The following PKIB variants were observed in gnomAD, a reference collection of about 807,000 sequenced individuals.
PKIB encodes the protein cAMP-dependent protein kinase inhibitor beta, also known as PKI-beta.
A neutral mutation model predicts 4.5 loss-of-function variants in PKIB; 2 were observed. That is an observed-to-expected ratio of 0.44 (90% confidence interval 0.18 to 1.39). The LOEUF (loss-of-function observed/expected upper bound fraction) is 1.39, where lower values mean the gene tolerates loss of function less well. PKIB is among the 40% of genes most tolerant of loss of function. PKIB has a pLI of 0.27. For missense variants in PKIB, 94 were observed against 92.6 expected (o/e 1.02, Z -0.06); for synonymous variants, 38 against 36.0 (o/e 1.06, Z -0.20).
Position 122,625,639 on chromosome 6 carries a change from A to AAAT in PKIB, c.-160-7628_-160-7626dup, listed in dbSNP as rs544711324. On this transcript the variant is annotated intron_variant, in intron 1 of 4. Transcript: ENST00000368452. ...GGCAACGGAAAGACTCTGTCTCCAAAAATAATAATAATAATAATTAATTAA... is the reference window on the plus strand; with the variant it reads ...GGCAACGGAAAGACTCTGTCTCCAAAAATAATAATAATAATAATAATTAATTAA... 1.2e-3 allele frequency among the ~76,000 whole-genome samples: 184 copies of AAAT among 151,838 alleles called. 2 individuals carry two copies. In the East Asian group the frequency reaches 0.02, roughly 17 times the overall value.
chr6:122,484,725 A>G (rs895756701), intron 2 of PKIB, among the ~76,000 whole-genome samples: 4 of 152,158 alleles, frequency 2.6e-5, no homozygotes, highest in Non-Finnish European at 5.9e-5. Flanking sequence ...CTGAAACAAA[A>G]CAACATATCA....
At chr6:122,488,304 G>T (rs187250822) in intron 2 of PKIB, among the ~76,000 whole-genome samples, 49 of 152,050 alleles carry the variant, frequency 3.2e-4, no homozygotes, top group African/African-American at 1.0e-3. Flanking sequence ...TGAGTTTATA[G>T]TCTATTGTTA....
intron 1 of PKIB, among the ~76,000 whole-genome samples, chr6:122,627,467 A>G (rs7745726): frequency 0.6 from 91,077 of 151,998 alleles, 28,860 homozygotes; most frequent in Non-Finnish European, 0.71. Context: ...CCATCTGCCT[A>G]TTGGATAAGC....
intron 2 of PKIB, among the ~76,000 whole-genome samples, chr6:122,523,468 ATTTT>A (rs1452264143): frequency 6.6e-6 from 1 of 151,864 alleles, no homozygotes; most frequent in African/African-American, 2.4e-5. Context: ...CAGAGGTGGG[ATTTT>A]TTTTGTGCTG....
chr6:122,538,863 G>A (rs1242022757), intron 2 of PKIB, among the ~76,000 whole-genome samples: 3 of 151,984 alleles, frequency 2.0e-5, no homozygotes, highest in Non-Finnish European at 2.9e-5. Context: ...ATTGAGCAGT[G>A]TGGTTTGTAG....
chr6:122,635,989 C>G (rs1172323819), intron 2 of PKIB, among the ~76,000 whole-genome samples: 2 of 152,084 alleles, frequency 1.3e-5, no homozygotes. Flanking sequence ...TTTTAAAAGA[C>G]TAATATTTTC....
chr6:122,673,692 C>A (rs1777554279), intron 2 of PKIB, among the ~76,000 whole-genome samples: 1 of 152,132 alleles, frequency 6.6e-6, no homozygotes, highest in Admixed American at 6.5e-5. Context: ...ACCTAATGCA[C>A]CTTGACATTC....
chr6:122,588,843 A>G (rs1773931007), intron 3 of PKIB, among the ~76,000 whole-genome samples: 1 of 152,188 alleles, frequency 6.6e-6, no homozygotes, highest in Non-Finnish European at 1.5e-5. Flanking sequence ...AAATTACTGA[A>G]GACAAAGAAA....
At chr6:122,644,994 A>G (rs1776257705) in intron 2 of PKIB, among the ~76,000 whole-genome samples, 1 of 152,166 alleles carries the variant, frequency 6.6e-6, no homozygotes, top group Non-Finnish European at 1.5e-5. Context: ...TAAAGGGTTA[A>G]TGTCATTTAT....
chr6:122,674,327 C>T (rs561941184), intron 2 of PKIB, among the ~76,000 whole-genome samples: 26 of 152,046 alleles, frequency 1.7e-4, no homozygotes, highest in Non-Finnish European at 3.5e-4. Context: ...ATCATTAGGA[C>T]GTTGTTGCCA....
chr6:122,530,018 G>A (rs186350315), intron 2 of PKIB, among the ~76,000 whole-genome samples: 2 of 151,778 alleles, frequency 1.3e-5, no homozygotes, highest in Non-Finnish European at 2.9e-5. Flanking sequence ...TTTCAAATAA[G>A]CTCTCTCCCC....
At chr6:122,554,690 C>A (rs1021777635) in intron 2 of PKIB, among the ~76,000 whole-genome samples, 5 of 152,028 alleles carry the variant, frequency 3.3e-5, no homozygotes, top group African/African-American at 7.2e-5. Context: ...AGTATATAAC[C>A]TGAACAGAGT....
chr6:122,691,930 T>A (rs1484747941), intron 3 of PKIB, among the ~76,000 whole-genome samples: 1 of 152,212 alleles, frequency 6.6e-6, no homozygotes, highest in Non-Finnish European at 1.5e-5. Context: ...ACACTGTGGT[T>A]CTTGTAGGCT....
chr6:122,547,213 C>T (rs1772522018), intron 2 of PKIB, among the ~76,000 whole-genome samples: 1 of 152,046 alleles, frequency 6.6e-6, no homozygotes, highest in Non-Finnish European at 1.5e-5. Context: ...TGTTAGGTTC[C>T]AGCCCATGCT....
intron 2 of PKIB, among the ~76,000 whole-genome samples, chr6:122,666,966 C>A (rs927609064): frequency 1.1e-4 from 16 of 151,222 alleles, no homozygotes; most frequent in Non-Finnish European, 1.6e-4. Flanking sequence ...TTTTTTATGG[C>A]TTTTGAAAGG....
chr6:122,653,216 A>T (rs769087207), intron 2 of PKIB, among the ~76,000 whole-genome samples: 1 of 152,226 alleles, frequency 6.6e-6, no homozygotes, highest in Non-Finnish European at 1.5e-5. Context: ...AATGAGGTTG[A>T]TACATGACTA....
intron 2 of PKIB, among the ~76,000 whole-genome samples, chr6:122,584,368 C>T (rs926099736): frequency 6.6e-6 from 1 of 151,954 alleles, no homozygotes; most frequent in Admixed American, 6.6e-5. Flanking sequence ...AGTGAAATAT[C>T]TGTTGGAAAT....
chr6:122,664,541 A>T (rs1353703551), intron 2 of PKIB, among the ~76,000 whole-genome samples: 1 of 152,094 alleles, frequency 6.6e-6, no homozygotes, highest in African/African-American at 2.4e-5. Context: ...CCTCCCAAGT[A>T]GCTGGGACTA....
At chr6:122,572,139 G>A (rs377016637) in intron 2 of PKIB, among the ~76,000 whole-genome samples, 1 of 151,996 alleles carries the variant, frequency 6.6e-6, no homozygotes, top group South Asian at 2.1e-4. Flanking sequence ...GCAAGCAGGA[G>A]TCACTATTCT....
Sources: allele counts gnomAD v4.1 joint callset (sites outside exome capture counted in the v4.1 genomes callset), GRCh38; gene constraint gnomAD v4.1.1; transcripts MANE v1.5; gene names NCBI Gene and HGNC (gene_info 2026-07-23, HGNC 2026-07-21).